Variants in PHAX observed in about 807,000 individuals in gnomAD.
The protein encoded by PHAX is phosphorylated adapter RNA export protein.
PHAX carries 31 observed loss-of-function variants against 41.6 expected under a neutral mutation model. That is an observed-to-expected ratio of 0.75 (90% CI 0.56 to 1.01). The LOEUF (loss-of-function observed/expected upper bound fraction) is 1.01. Ranked by LOEUF, PHAX falls within the 50% of genes least tolerant of loss-of-function variation. The pLI is 0.00. For missense variants in PHAX, 453 were observed against 472.9 expected (o/e 0.96, Z 0.39); for synonymous variants, 175 against 164.9 (o/e 1.06, Z -0.47).
In PHAX at chr5:126,624,756, A is replaced by T; in HGVS notation, c.1097A>T (p.Asp366Val). The change falls in exon 5 of 5, where the codon GAT (aspartate) becomes GTT (valine). Residue 366 changes from aspartate (D) to valine (V), a missense_variant. Asp to Val is a radical substitution (Grantham distance 152). Transcript: ENST00000297540. The part of the protein sequence containing the change: ...SDTNEALASL[D>V]ESQEGHAEAK... Reference sequence around the variant, plus strand: ...ACGAATGAGGCCTTGGCCTCTCTTGATGAGTCACAGGAAGGACATGCAGAA... The same window carrying T: ...ACGAATGAGGCCTTGGCCTCTCTTGTTGAGTCACAGGAAGGACATGCAGAA... 1.9e-6 allele frequency: 3 copies of T among 1,614,204 alleles called. No homozygotes were observed. The highest frequency in any genetic ancestry group is 2.5e-6 in the Non-Finnish European group (3 of 1,180,020).
chr5:126,606,797 G>A (rs749408575), intron 2 of PHAX, among the ~76,000 whole-genome samples: 5 of 150,778 alleles, frequency 3.3e-5, no homozygotes, highest in South Asian at 2.1e-4. Context: ...GATTAGAGGC[G>A]TGCGCCACCA....
rs1012006550 is a variant in PHAX at position 126,626,068 on chromosome 5, G to A, written c.*1224G>A. The A allele has an allele frequency of 7.2e-5, 11 of 151,996 alleles. No homozygotes were observed. Among genetic ancestry groups the A allele is most frequent in the Non-Finnish European group, 1.2e-4 (8 of 68,020 alleles). 9.4% of individuals were successfully genotyped at this position (151,996 alleles called of 1,614,324 possible). ...TCATATACTAAATGTGATCTCCTGT[G>A]GATTACCACATGCATTAAAAAATTT... On this transcript the variant is annotated 3_prime_UTR_variant, in exon 5 of 5. Coordinates refer to ENST00000297540, the MANE Select transcript of PHAX (RefSeq NM_032177.4).
rs576618623 is a variant in PHAX, at chr5:126,622,082, T to A, written c.916-2493T>A. Among the ~76,000 whole-genome samples, 42 of 152,146 alleles carry A rather than the reference T, an allele frequency of 2.8e-4. No individual in the cohort carries two copies. The South Asian group carries it at 8.5e-3, about 31-fold the overall frequency. On this transcript the variant is annotated intron_variant, in intron 4 of 4. Transcript: ENST00000297540. ...AATTCTCCTGCCTCACCCTCCCAAGTAGCTGGGATTACAGGTGCCCGCCAC... is the reference window on the plus strand; with the variant it reads ...AATTCTCCTGCCTCACCCTCCCAAGAAGCTGGGATTACAGGTGCCCGCCAC...
intron 3 of PHAX, among the ~76,000 whole-genome samples, chr5:126,613,309 A>C (rs935053426): frequency 1.3e-5 from 2 of 152,190 alleles, no homozygotes; most frequent in Non-Finnish European, 2.9e-5. Flanking sequence ...AGATTGTGCC[A>C]CTGCACTCCA....
intron 2 of PHAX, 110 bp downstream of exon 2, chr5:126,604,293 T>TTTTTTTTTTTTTTTTG (rs1751956282): frequency 1.0e-6 from 1 of 965,722 alleles, no homozygotes; most frequent in African/African-American, 1.7e-5. Flanking sequence ...TTTTTTTTTT[T>TTTTTTTTTTTTTTTTG]GGAGACAGGG....
intron 4 of PHAX, among the ~76,000 whole-genome samples, chr5:126,623,801 T>A (rs1752307179): frequency 6.6e-6 from 1 of 152,090 alleles, no homozygotes; most frequent in Non-Finnish European, 1.5e-5. Context: ...TTTGTATTCT[T>A]TAAGAATATA....
At chr5:126,609,095 ATT>A (rs761125079) in intron 3 of PHAX, among the ~76,000 whole-genome samples, 120 of 101,230 alleles carry the variant, frequency 1.2e-3, no homozygotes, top group African/African-American at 4.9e-3. Flanking sequence ...TAGGGGTTGA[ATT>A]TTTTTTTTTT....
At chr5:126,622,640 G>GT (rs1041457844) in intron 4 of PHAX, among the ~76,000 whole-genome samples, 3 of 151,818 alleles carry the variant, frequency 2.0e-5, no homozygotes, top group African/African-American at 2.4e-5. Flanking sequence ...GAAAAGGGCA[G>GT]TTTCGTAAAA....
At chr5:126,611,034 T>G (rs953949258) in intron 3 of PHAX, among the ~76,000 whole-genome samples, 1 of 144,942 alleles carries the variant, frequency 6.9e-6, no homozygotes, top group African/African-American at 2.7e-5. Context: ...TTTTTTTTTG[T>G]TTTTTTTCTT....
chr5:126,602,664 A>G (rs1751922155), intron 1 of PHAX, among the ~76,000 whole-genome samples: 1 of 152,204 alleles, frequency 6.6e-6, no homozygotes, highest in Non-Finnish European at 1.5e-5. Context: ...AAATTGACCC[A>G]TGACTTGGTA....
chr5:126,612,426 G>A (rs1018830073), intron 3 of PHAX, among the ~76,000 whole-genome samples: 6 of 152,140 alleles, frequency 3.9e-5, no homozygotes, highest in East Asian at 3.9e-4. Flanking sequence ...TAGGCCGGGC[G>A]TGGTGGCTCA....
At chr5:126,624,526 T>A in intron 4 of PHAX, 49 bp from the exon 5 acceptor site, 1 of 1,412,536 alleles carries the variant, frequency 7.1e-7, no homozygotes, top group Non-Finnish European at 9.7e-7. Flanking sequence ...GGAATAAACC[T>A]TTAATAACGT....
At chr5:126,614,689 G>C (rs1228455504) in intron 3 of PHAX, among the ~76,000 whole-genome samples, 1 of 151,976 alleles carries the variant, frequency 6.6e-6, no homozygotes, top group Non-Finnish European at 1.5e-5. Context: ...TAAAAAATCA[G>C]TAAAAGAGTG....
At chr5:126,608,582 T>G in intron 3 of PHAX, 98 bp downstream of exon 3, 1 of 903,242 alleles carries the variant, frequency 1.1e-6, no homozygotes, top group Non-Finnish European at 1.7e-6. Flanking sequence ...CTGTGATTTA[T>G]CATGCATTCT....
rs561848594 is a variant in PHAX at position 126,625,078 on chromosome 5, A to C, written c.*234A>C. On this transcript the variant is annotated 3_prime_UTR_variant, in exon 5 of 5. Coordinates refer to ENST00000297540, the MANE Select transcript of PHAX (RefSeq NM_032177.4). ...AGGATTTAATTTCTCAATCTGTTGC[A>C]TGTGCTAATTATGAGTATTACTAGT... is the stretch of plus-strand genomic sequence containing the variant. 6.4e-6 allele frequency: 3 copies of C among 472,180 alleles called. No homozygotes were observed. Among genetic ancestry groups the C allele is most frequent in the African/African-American group, 4.0e-5 (2 of 49,986 alleles). The allele number at this position is 472,180 out of a possible 1,614,324, so 29.2% of individuals were successfully genotyped here.
chr5:126,624,756 A>G lies in PHAX; in HGVS notation c.1097A>G (p.Asp366Gly). Residue 366 changes from aspartate to glycine, a missense_variant, in exon 5 of 5, where the codon GAT becomes GGT. Physicochemically the swap from Asp to Gly is moderately conservative, Grantham distance 94. Coordinates refer to ENST00000297540, the MANE Select transcript of PHAX (RefSeq NM_032177.4). ...SDTNEALASL[D>G]ESQEGHAEAK... ...ACGAATGAGGCCTTGGCCTCTCTTGATGAGTCACAGGAAGGACATGCAGAA... is the reference window on the plus strand; with the variant it reads ...ACGAATGAGGCCTTGGCCTCTCTTGGTGAGTCACAGGAAGGACATGCAGAA... The G allele has an allele frequency of 6.2e-7, 1 of 1,614,204 alleles. No individual in the cohort carries two copies. Among genetic ancestry groups the G allele is most frequent in the Non-Finnish European group, 8.5e-7 (1 of 1,180,020 alleles).
chr5:126,608,260 C>G, intron 2 of PHAX, 104 bp from the exon 3 acceptor site: 1 of 1,356,974 alleles, frequency 7.4e-7, no homozygotes, highest in Non-Finnish European at 9.9e-7. Context: ...TTTAGAAAAC[C>G]AAAAGTTACT....
At chr5:126,617,779 C>T (rs1752211418) in intron 4 of PHAX, among the ~76,000 whole-genome samples, 1 of 152,116 alleles carries the variant, frequency 6.6e-6, no homozygotes, top group Non-Finnish European at 1.5e-5. Flanking sequence ...TGCTCCCAGC[C>T]AGCCTTTTAT....
intron 4 of PHAX, among the ~76,000 whole-genome samples, chr5:126,618,970 A>G (rs1363060118): frequency 3.3e-5 from 5 of 151,598 alleles, no homozygotes; most frequent in Admixed American, 6.6e-5. Flanking sequence ...ACAAAGTCTT[A>G]CTCTGTTGCC....
Sources: gnomAD v4.1 joint callset for allele counts (sites outside exome capture counted in the v4.1 genomes callset) on GRCh38, gnomAD v4.1.1 for gene constraint, MANE v1.5 for transcripts, NCBI Gene and HGNC (gene_info 2026-07-23, HGNC 2026-07-21) for gene names.